The following SGCZ variants were observed in gnomAD, a reference collection of about 807,000 sequenced individuals.
SGCZ encodes zeta-sarcoglycan.
In SGCZ, 40 loss-of-function variants were observed where a neutral mutation model predicts 41.3. That is an observed-to-expected ratio of 0.97 (90% CI 0.75 to 1.26). The LOEUF (loss-of-function observed/expected upper bound fraction) is 1.26, where lower values mean the gene tolerates loss of function less well. Ranked by LOEUF, SGCZ falls within the 50% of genes most tolerant of loss-of-function variation. SGCZ has a pLI of 0.00. For missense variants in SGCZ, 552 were observed against 369.8 expected, an observed-to-expected ratio of 1.49 and a Z score of -4.04; for synonymous variants, 206 against 137.5, an observed-to-expected ratio of 1.50 and a Z score of -3.49.
chr8:14,558,594 G>GAGAGAGAGAGAGAC (rs1276344872), intron 1 of SGCZ, among the ~76,000 whole-genome samples: 22 of 151,130 alleles, frequency 1.5e-4, no homozygotes, highest in African/African-American at 5.1e-4. Flanking sequence ...GAGAGAGAGA[G>GAGAGAGAGAGAGAC]AGAGAGAGAG....
At chr8:14,531,428 G>C (rs1803126984) in intron 2 of SGCZ, among the ~76,000 whole-genome samples, 1 of 151,788 alleles carries the variant, frequency 6.6e-6, no homozygotes, top group Non-Finnish European at 1.5e-5. Flanking sequence ...TGAAAAACCT[G>C]TAACATTCCC....
At chr8:14,670,182 A>C (rs986587679) in intron 1 of SGCZ, among the ~76,000 whole-genome samples, 12 of 152,150 alleles carry the variant, frequency 7.9e-5, no homozygotes, top group African/African-American at 2.9e-4. Flanking sequence ...CCAGGTTTTA[A>C]AATTAGGGAA....
chr8:15,165,087 C>G (rs925648154), intron 1 of SGCZ, among the ~76,000 whole-genome samples: 1 of 152,034 alleles, frequency 6.6e-6, no homozygotes, highest in African/African-American at 2.4e-5. Flanking sequence ...GTCAGGAGTT[C>G]AAGACCAGCC....
At chr8:14,949,237 A>G (rs532057086) in intron 1 of SGCZ, among the ~76,000 whole-genome samples, 1 of 152,284 alleles carries the variant, frequency 6.6e-6, no homozygotes, top group East Asian at 1.9e-4. Flanking sequence ...GGCAATGATA[A>G]TAGTAGCTAT....
At chr8:14,126,565 CA>C (rs781385434) in intron 5 of SGCZ, among the ~76,000 whole-genome samples, 9 of 152,172 alleles carry the variant, frequency 5.9e-5, no homozygotes, top group Non-Finnish European at 1.3e-4. Context: ...ACAATTGTGG[CA>C]GACAGTGTAG....
intron 5 of SGCZ, among the ~76,000 whole-genome samples, chr8:14,123,232 T>C (rs2117039950): frequency 1.3e-5 from 2 of 152,338 alleles, no homozygotes; most frequent in South Asian, 4.1e-4. Flanking sequence ...GAAAGTTTGT[T>C]TTGATTCACT....
intron 4 of SGCZ, among the ~76,000 whole-genome samples, chr8:14,169,903 A>C (rs1352413730): frequency 6.6e-6 from 1 of 152,172 alleles, no homozygotes; most frequent in Non-Finnish European, 1.5e-5. Context: ...AAGGGCTGAA[A>C]GGCAGAGACC....
At chr8:14,232,546 T>C (rs1302061573) in intron 4 of SGCZ, among the ~76,000 whole-genome samples, 1 of 152,014 alleles carries the variant, frequency 6.6e-6, no homozygotes, top group African/African-American at 2.4e-5. Flanking sequence ...AAATTAAAGA[T>C]TATAATTAAG....
At chr8:14,810,611 C>T (rs1378976104) in intron 1 of SGCZ, among the ~76,000 whole-genome samples, 1 of 151,964 alleles carries the variant, frequency 6.6e-6, no homozygotes, top group Admixed American at 6.6e-5. Context: ...TAAACTTAAA[C>T]AACATCAGTT....
intron 1 of SGCZ, among the ~76,000 whole-genome samples, chr8:14,715,386 G>T (rs532516870): frequency 6.6e-6 from 1 of 152,214 alleles, no homozygotes; most frequent in South Asian, 2.1e-4. Flanking sequence ...GAACAAAAAA[G>T]AGCTGGCCTA....
intron 2 of SGCZ, among the ~76,000 whole-genome samples, chr8:14,516,592 T>A (rs1278953654): frequency 6.6e-6 from 1 of 152,046 alleles, no homozygotes; most frequent in Non-Finnish European, 1.5e-5. Context: ...CTGCAGCAAT[T>A]TTAAGGAAGC....
intron 1 of SGCZ, among the ~76,000 whole-genome samples, chr8:15,006,356 A>G (rs892274549): frequency 2.6e-5 from 4 of 152,194 alleles, no homozygotes; most frequent in Non-Finnish European, 5.9e-5. Context: ...TTGGTACTGA[A>G]GCAAAACAAG....
intron 1 of SGCZ, among the ~76,000 whole-genome samples, chr8:14,790,010 A>G (rs970111192): frequency 6.6e-6 from 1 of 152,216 alleles, no homozygotes; most frequent in African/African-American, 2.4e-5. Flanking sequence ...TAACATATAA[A>G]TAATAAATGT....
rs886599182 is a variant in SGCZ at position 15,149,186 on chromosome 8, A to G, written c.39+88399T>C. The stretch of plus-strand genomic sequence containing the variant: ...GGAGCCATTATTCTTATTTTTTTTT[A>G]TTATTGACTAAATGACTATCCTTCA... On this transcript the variant is annotated intron_variant, in intron 1 of 7. Coordinates refer to ENST00000382080, the MANE Select transcript of SGCZ (RefSeq NM_139167.4). Among the ~76,000 whole-genome samples the G allele has an allele frequency of 4.6e-5, 7 of 150,778 alleles. 1 individual carries two copies. The highest frequency in any genetic ancestry group is 4.6e-4 in the Admixed American group (7 of 15,144).
chr8:14,640,056 AG>A (rs1015191441), intron 1 of SGCZ, among the ~76,000 whole-genome samples: 2 of 151,762 alleles, frequency 1.3e-5, no homozygotes, highest in African/African-American at 2.4e-5. Flanking sequence ...TCTTAATAAA[AG>A]TCTTCTATTA....
chr8:14,163,864 T>C (rs957364481), intron 5 of SGCZ, among the ~76,000 whole-genome samples: 2 of 152,176 alleles, frequency 1.3e-5, no homozygotes, highest in African/African-American at 4.8e-5. Context: ...ATTATTTTCT[T>C]CTTGTTTTTT....
At chr8:14,396,045 C>A (rs1370761485) in intron 2 of SGCZ, among the ~76,000 whole-genome samples, 1 of 152,074 alleles carries the variant, frequency 6.6e-6, no homozygotes, top group East Asian at 1.9e-4. Context: ...CAAAAGAAAT[C>A]ATTTTTAAAT....
At chr8:14,169,465 A>AT (rs796527229) in intron 4 of SGCZ, among the ~76,000 whole-genome samples, 11 of 152,132 alleles carry the variant, frequency 7.2e-5, no homozygotes, top group East Asian at 3.9e-4. Flanking sequence ...CCAATCCTTG[A>AT]TTTTTTACCT....
chr8:14,793,394 C>A (rs149372045), intron 1 of SGCZ, among the ~76,000 whole-genome samples: 1 of 152,240 alleles, frequency 6.6e-6, no homozygotes, highest in African/African-American at 2.4e-5. Flanking sequence ...GCACGTAGCA[C>A]AGATACTATT....
Sources: allele counts gnomAD v4.1 joint callset (sites outside exome capture counted in the v4.1 genomes callset), GRCh38; gene constraint gnomAD v4.1.1; transcripts MANE v1.5; gene names NCBI Gene and HGNC (gene_info 2026-07-23, HGNC 2026-07-21).